Variants in FAM168A observed in about 807,000 individuals in gnomAD.
The protein encoded by FAM168A is protein FAM168A.
In FAM168A, 3 loss-of-function variants were observed where a neutral mutation model predicts 28.5. The ratio of observed to expected loss-of-function variants is 0.11; its 90% CI spans 0.05 to 0.27. The LOEUF is 0.27. Ranked by LOEUF, FAM168A falls within the 10% of genes least tolerant of loss-of-function variation. The pLI is 1.00. For missense variants in FAM168A, 222 were observed against 311.5 expected, an observed-to-expected ratio of 0.71 and a Z score of 2.16; for synonymous variants, 122 against 124.2, an observed-to-expected ratio of 0.98 and a Z score of 0.12.
chr11:73,558,346 G>A (rs1311010378), intron 1 of FAM168A, among the ~76,000 whole-genome samples: 2 of 151,800 alleles, frequency 1.3e-5, no homozygotes, highest in African/African-American at 4.8e-5. Context: ...GTGCACATCT[G>A]TAGTCCTAGC....
intron 1 of FAM168A, among the ~76,000 whole-genome samples, chr11:73,538,858 T>C (rs1444478227): frequency 2.6e-5 from 4 of 152,218 alleles, no homozygotes; most frequent in Non-Finnish European, 5.9e-5. Context: ...AGACTAGCTC[T>C]AGCCACATTC....
At chr11:73,493,388 A>T (rs1854798330) in intron 1 of FAM168A, among the ~76,000 whole-genome samples, 1 of 152,058 alleles carries the variant, frequency 6.6e-6, no homozygotes, top group Admixed American at 6.6e-5. Flanking sequence ...ATGTATCTTT[A>T]GTTTTTAGGG....
chr11:73,552,913 C>T (rs1360671653), intron 1 of FAM168A, among the ~76,000 whole-genome samples: 5 of 152,092 alleles, frequency 3.3e-5, no homozygotes, highest in Admixed American at 1.3e-4. Context: ...GCCGAGATCG[C>T]GCCACTGCAT....
In FAM168A at chr11:73,415,174, C is replaced by T. The variant is rs1463266315; in HGVS notation, c.278-3638G>A. On this transcript the variant is annotated intron_variant, in intron 4 of 7. Coordinates refer to ENST00000356467, the MANE Select transcript of FAM168A (RefSeq NM_015159.3). The stretch of plus-strand genomic sequence containing the variant: ...ACACACACATACTCAGAATACAAAT[C>T]AGTAGCCAAAACACCCTTGGCAGCC... 2.0e-5 allele frequency among the ~76,000 whole-genome samples: 3 copies of T among 152,224 alleles called. No individual in the cohort carries two copies. The East Asian group carries it at 5.8e-4, about 29-fold the overall frequency.
intron 6 of FAM168A, 70 bp from the exon 7 acceptor site, chr11:73,407,713 T>A (rs1866532899): frequency 7.6e-7 from 1 of 1,321,554 alleles, no homozygotes; most frequent in Admixed American, 2.0e-5. Context: ...AGGATGAAGC[T>A]ACAGTCTTTC....
chr11:73,549,349 A>G (rs1485003667), intron 1 of FAM168A, among the ~76,000 whole-genome samples: 12 of 152,200 alleles, frequency 7.9e-5, no homozygotes, highest in African/African-American at 2.9e-4. Flanking sequence ...TCCAATAGCC[A>G]TTAACCATTC....
At chr11:73,512,812 G>A (rs1855250831) in intron 1 of FAM168A, among the ~76,000 whole-genome samples, 1 of 152,054 alleles carries the variant, frequency 6.6e-6, no homozygotes, top group Admixed American at 6.6e-5. Flanking sequence ...AAACACAGAG[G>A]CTATAGATAC....
intron 2 of FAM168A, among the ~76,000 whole-genome samples, chr11:73,451,474 T>C (rs1867428252): frequency 6.6e-6 from 1 of 152,226 alleles, no homozygotes; most frequent in Non-Finnish European, 1.5e-5. Context: ...GTGTTAGCAC[T>C]GAGAACACAA....
intron 2 of FAM168A, among the ~76,000 whole-genome samples, chr11:73,439,781 T>C (rs1358782587): frequency 6.6e-6 from 1 of 152,112 alleles, no homozygotes; most frequent in Non-Finnish European, 1.5e-5. Flanking sequence ...TTGGTGTCTC[T>C]GACCTCTGTG....
Position 73,406,632 on chromosome 11 carries a change from G to A in FAM168A, c.*131C>T, listed in dbSNP as rs2134474244. The A allele has an allele frequency of 6.5e-6, 1 of 152,792 alleles. No homozygotes were observed. The highest frequency in any genetic ancestry group is 2.1e-4 in the South Asian group (1 of 4,828). The allele number at this position is 152,792 out of a possible 1,614,324, so 9.5% of individuals were successfully genotyped here. A position where few individuals can be genotyped will look rare whatever the true frequency, so the allele number is the denominator to read the frequency against. ...ATCAAAACCATTAAAGATGCATAAA[G>A]TGACCCTTGCACTTCCGTTGTCTCT... On this transcript the variant is annotated 3_prime_UTR_variant, in exon 8 of 8. Transcript: ENST00000356467.
intron 1 of FAM168A, among the ~76,000 whole-genome samples, chr11:73,586,078 A>T (rs755453247): frequency 1.7e-4 from 26 of 152,130 alleles, no homozygotes; most frequent in Non-Finnish European, 2.9e-4. Flanking sequence ...AAATGTACTA[A>T]GCCCCTGCTA....
chr11:73,574,859 C>T (rs1241979065), intron 1 of FAM168A, among the ~76,000 whole-genome samples: 2 of 151,760 alleles, frequency 1.3e-5, no homozygotes. Context: ...CCACCGTGCC[C>T]ATCCGATGTT....
At chr11:73,580,437 G>T (rs1373282618) in intron 1 of FAM168A, 1 of 620,850 alleles carries the variant, frequency 1.6e-6, no homozygotes. Context: ...GCTGAGGCTG[G>T]CCAGGATGGG....
rs1247913155 is a variant in FAM168A, at chr11:73,592,545, C to T, written c.-19+5378G>A. On this transcript the variant is annotated intron_variant, in intron 1 of 7. Transcript: ENST00000356467. ...CGGCCAGCTATGGCCCGCCCATGGC[C>T]TATTTTTGTATGGCCTGTGAGTTTT... Among the ~76,000 whole-genome samples, 4 of 152,082 alleles carry T rather than the reference C, an allele frequency of 2.6e-5. No homozygotes were observed. The East Asian group carries it at 5.8e-4, about 22-fold the overall frequency.
chr11:73,577,348 G>A (rs1944189256), intron 1 of FAM168A, among the ~76,000 whole-genome samples: 1 of 152,134 alleles, frequency 6.6e-6, no homozygotes, highest in Non-Finnish European at 1.5e-5. Context: ...AAGTTTCTCT[G>A]ACTTTAAAAT....
At chr11:73,438,484 A>T (rs1248118768) in intron 2 of FAM168A, among the ~76,000 whole-genome samples, 1 of 152,192 alleles carries the variant, frequency 6.6e-6, no homozygotes, top group Non-Finnish European at 1.5e-5. Context: ...ACATTAGGGA[A>T]ATGGCAAACA....
chr11:73,470,011 AAGCGATTCTCC>A (rs982248439), intron 1 of FAM168A, among the ~76,000 whole-genome samples: 15 of 152,096 alleles, frequency 9.9e-5, no homozygotes, highest in Non-Finnish European at 5.9e-5. Flanking sequence ...TCCTGGGTTC[AAGCGATTCTCC>A]AGCCTCAGCC....
intron 2 of FAM168A, among the ~76,000 whole-genome samples, chr11:73,457,722 A>G (rs7358333): frequency 1.6e-4 from 17 of 109,344 alleles, no homozygotes; most frequent in Admixed American, 9.5e-4. Context: ...AGCCTGGGTG[A>G]CAAAAAAAAA....
intron 1 of FAM168A, among the ~76,000 whole-genome samples, chr11:73,574,316 T>C (rs1230875397): frequency 6.6e-6 from 1 of 152,120 alleles, no homozygotes; most frequent in African/African-American, 2.4e-5. Context: ...AGAAAGTCAG[T>C]TGTCCCATGA....
Sources: gnomAD v4.1 joint callset for allele counts (sites outside exome capture counted in the v4.1 genomes callset) on GRCh38, gnomAD v4.1.1 for gene constraint, MANE v1.5 for transcripts, NCBI Gene and HGNC (gene_info 2026-07-23, HGNC 2026-07-21) for gene names.